ARHGEF3: variants seen among roughly 807,000 people sequenced by gnomAD.
ARHGEF3 encodes Rho guanine nucleotide exchange factor 3, also known as 59.8 kDA protein.
In ARHGEF3, 28 loss-of-function variants were observed where a neutral mutation model predicts 63.2. That is an observed-to-expected ratio of 0.44 (90% CI 0.33 to 0.61). The LOEUF is 0.61. Among genes scored for constraint, ARHGEF3 ranks in the 20% least tolerant of loss-of-function variants. ARHGEF3 has a pLI of 0.03. For synonymous variants in ARHGEF3, 266 were observed against 254.2 expected, an observed-to-expected ratio of 1.05 and a Z score of -0.44; for missense variants, 533 against 659.3, an observed-to-expected ratio of 0.81 and a Z score of 2.10.
chr3:57,001,937 G>T (rs3928559), intron 2 of ARHGEF3, among the ~76,000 whole-genome samples: 124,059 of 127,550 alleles, frequency 0.97, 60,396 homozygotes, highest in Non-Finnish European at 1. Context: ...TTTGTTTTTT[G>T]TTTTGAGACG....
chr3:56,777,645 AC>A (rs1468263339), intron 1 of ARHGEF3, among the ~76,000 whole-genome samples: 7 of 152,184 alleles, frequency 4.6e-5, no homozygotes, highest in African/African-American at 9.7e-5. Context: ...ATTGAAACAG[AC>A]TGGCATACAG....
At chr3:56,849,891 C>T (rs890836867) in intron 4 of ARHGEF3, among the ~76,000 whole-genome samples, 3 of 152,114 alleles carry the variant, frequency 2.0e-5, no homozygotes, top group African/African-American at 7.2e-5. Flanking sequence ...ATACTCCTGC[C>T]GGGATATGAC....
chr3:56,932,450 A>T (rs1286777781), intron 3 of ARHGEF3, among the ~76,000 whole-genome samples: 1 of 152,068 alleles, frequency 6.6e-6, no homozygotes, highest in Non-Finnish European at 1.5e-5. Flanking sequence ...ACCAATAAAC[A>T]TTTTCCCTGA....
At chr3:56,731,205 C>T (rs1438396614) in intron 9 of ARHGEF3, among the ~76,000 whole-genome samples, 2 of 152,142 alleles carry the variant, frequency 1.3e-5, no homozygotes, top group Non-Finnish European at 2.9e-5. Context: ...GAAGCTCAAA[C>T]GTTACTTTCT....
In ARHGEF3 at chr3:56,764,756, A is replaced by ATT. The variant is rs199973461; in HGVS notation, c.204+8951_204+8952dup. Reference sequence around the variant, plus strand: ...AGCTTTAAATTACAATAGTCAACAAATTTTTTTTTTTTTTTTTTGAGACAG... The same window carrying ATT: ...AGCTTTAAATTACAATAGTCAACAAATTTTTTTTTTTTTTTTTTTTGAGACAG... On this transcript the variant is annotated intron_variant, in intron 2 of 9. Coordinates refer to ENST00000296315, the MANE Select transcript of ARHGEF3 (RefSeq NM_019555.3). Among the ~76,000 whole-genome samples the ATT allele has an allele frequency of 7.9e-3, 1,119 of 142,278 alleles. 10 individuals are homozygous for ATT. The highest frequency in any genetic ancestry group is 0.024 in the African/African-American group (913 of 38,436). 93.3% of individuals were successfully genotyped at this position (142,278 alleles called of 152,430 possible). A position where few individuals can be genotyped will look rare whatever the true frequency, so the allele number is the denominator to read the frequency against.
At chr3:57,069,347 C>T (rs2107389490) in intron 1 of ARHGEF3, among the ~76,000 whole-genome samples, 1 of 150,016 alleles carries the variant, frequency 6.7e-6, no homozygotes. Flanking sequence ...GAAACAACTG[C>T]AATAAATAAC....
chr3:56,907,312 C>T (rs935360729), intron 3 of ARHGEF3, among the ~76,000 whole-genome samples: 1 of 152,136 alleles, frequency 6.6e-6, no homozygotes, highest in Non-Finnish European at 1.5e-5. Context: ...AACACTGCTC[C>T]AGAGGGCACA....
At chr3:57,072,958 A>G (rs1210166252) in intron 1 of ARHGEF3, among the ~76,000 whole-genome samples, 5 of 152,276 alleles carry the variant, frequency 3.3e-5, no homozygotes, top group Admixed American at 3.3e-4. Flanking sequence ...AAGCAGGAGA[A>G]TCACTTGAAC....
At chr3:56,860,894 G>A (rs9818060) in intron 4 of ARHGEF3, among the ~76,000 whole-genome samples, 143,447 of 152,232 alleles carry the variant, frequency 0.94, 68,068 homozygotes, top group Non-Finnish European at 1. Context: ...AAGGAAGAGC[G>A]ATACCAGGGC....
At chr3:56,759,746 G>T (rs1008900044) in intron 2 of ARHGEF3, among the ~76,000 whole-genome samples, 5 of 151,920 alleles carry the variant, frequency 3.3e-5, no homozygotes, top group Non-Finnish European at 1.5e-5. Context: ...GGGTCTTGCT[G>T]TGTTGCCCAG....
intron 1 of ARHGEF3, among the ~76,000 whole-genome samples, chr3:56,797,663 C>T (rs948053548): frequency 2.6e-5 from 4 of 152,130 alleles, no homozygotes; most frequent in East Asian, 1.9e-4. Flanking sequence ...AAGTACAGCC[C>T]GAGGTGCATA....
chr3:56,753,656 A>T (rs1333991369), intron 3 of ARHGEF3, 90 bp from the exon 4 acceptor site: 2 of 1,086,374 alleles, frequency 1.8e-6, no homozygotes, highest in Non-Finnish European at 2.8e-6. Flanking sequence ...TCAAAACCCC[A>T]AATTTACATA....
chr3:56,775,777 TACACAC>T (rs368145142), intron 1 of ARHGEF3: 2 of 470,306 alleles, frequency 4.3e-6, no homozygotes, highest in Non-Finnish European at 5.4e-6. Flanking sequence ...GCGTACTGAA[TACACAC>T]ACACACACAC....
intron 2 of ARHGEF3, among the ~76,000 whole-genome samples, chr3:56,970,956 G>A (rs1488242553): frequency 6.6e-6 from 1 of 152,198 alleles, no homozygotes; most frequent in East Asian, 1.9e-4. Flanking sequence ...GCTGTTGTGA[G>A]GAGTAGAGGA....
At chr3:56,757,232 G>A (rs1489854170) in intron 2 of ARHGEF3, among the ~76,000 whole-genome samples, 1 of 152,190 alleles carries the variant, frequency 6.6e-6, no homozygotes, top group Non-Finnish European at 1.5e-5. Context: ...CAGCACTTTG[G>A]GAAGCCGAGG....
intron 2 of ARHGEF3, among the ~76,000 whole-genome samples, chr3:57,004,372 G>C (rs1402277504): frequency 6.6e-6 from 1 of 152,190 alleles, no homozygotes; most frequent in Non-Finnish European, 1.5e-5. Flanking sequence ...CAACACCCTC[G>C]GGGCTTCCTT....
At chr3:56,921,572 T>C (rs768151815) in intron 3 of ARHGEF3, among the ~76,000 whole-genome samples, 1 of 152,220 alleles carries the variant, frequency 6.6e-6, no homozygotes, top group African/African-American at 2.4e-5. Flanking sequence ...TCCTCAAAGC[T>C]GGAAGGGTGG....
chr3:56,948,832 A>G (rs1301511315), intron 3 of ARHGEF3, among the ~76,000 whole-genome samples: 1 of 131,236 alleles, frequency 7.6e-6, no homozygotes, highest in African/African-American at 2.7e-5. Context: ...ACAAAAAAAG[A>G]GAATTTAGAC....
Position 56,934,475 on chromosome 3 carries a change from C to T in ARHGEF3, c.129+24348G>A, listed in dbSNP as rs201961264. 2.6e-5 allele frequency among the ~76,000 whole-genome samples: 4 copies of T among 152,282 alleles called. No individual in the cohort carries two copies. In the South Asian group the frequency reaches 6.2e-4, roughly 24 times the overall value. On this transcript the variant is annotated intron_variant, in intron 3 of 12. Coordinates refer to the ARHGEF3 transcript ENST00000338458. ...GCAGGGAGGTGTGGAAGGAGAGTCG[C>T]GAGTGGGAACTGGGGCTGCGTGCGG... is the stretch of plus-strand genomic sequence containing the variant.
Sources: allele counts gnomAD v4.1 joint callset (sites outside exome capture counted in the v4.1 genomes callset), GRCh38; gene constraint gnomAD v4.1.1; transcripts MANE v1.5; gene names NCBI Gene and HGNC (gene_info 2026-07-23, HGNC 2026-07-21).